The following CEP135 variants were observed in gnomAD, a reference collection of about 807,000 sequenced individuals.
The protein encoded by CEP135 is centrosomal protein 135.
CEP135 carries 142 observed loss-of-function variants against 157.3 expected under a neutral mutation model. The observed-to-expected ratio is 0.90, with a 90% CI of 0.79 to 1.04. The LOEUF (loss-of-function observed/expected upper bound fraction) is 1.04, where lower values mean the gene tolerates loss of function less well. Ranked by LOEUF, CEP135 falls within the 50% of genes least tolerant of loss-of-function variation. CEP135 has a pLI of 0.00. For missense variants in CEP135, 1,317 were observed against 1,309.2 expected, an observed-to-expected ratio of 1.01 and a Z score of -0.09; for synonymous variants, 396 against 439.8, an observed-to-expected ratio of 0.90 and a Z score of 1.25.
At chr4:56,011,663 T>C in intron 20 of CEP135, 137 bp from the exon 21 acceptor site, 1 of 970,666 alleles carries the variant, frequency 1.0e-6, no homozygotes. Context: ...CCATAGATTT[T>C]AGTGTGGTAC....
At chr4:55,969,470 T>C (rs1728953151) in intron 9 of CEP135, among the ~76,000 whole-genome samples, 1 of 151,996 alleles carries the variant, frequency 6.6e-6, no homozygotes, top group South Asian at 2.1e-4. Flanking sequence ...TTGTATGCTT[T>C]GTTTTATTGC....
At position 55,998,597 on chromosome 4, in the gene CEP135, G is replaced by A. The variant is rs548972244; in HGVS notation, c.2010-705G>A. 4.7e-4 allele frequency among the ~76,000 whole-genome samples: 71 copies of A among 152,320 alleles called. 1 individual carries two copies. Among genetic ancestry groups the A allele is most frequent in the African/African-American group, 1.6e-3 (67 of 41,578 alleles). Reference sequence around the variant, plus strand: ...TCACAGGTCAGGGCTGGGAATGGTGGCTCACACCTGTAATCCCAGCACTTT... The same window carrying A: ...TCACAGGTCAGGGCTGGGAATGGTGACTCACACCTGTAATCCCAGCACTTT... On this transcript the variant is annotated intron_variant, in intron 15 of 25. Transcript: ENST00000257287.
chr4:56,011,108 G>T (rs1730567292), intron 19 of CEP135, among the ~76,000 whole-genome samples: 1 of 152,026 alleles, frequency 6.6e-6, no homozygotes, highest in African/African-American at 2.4e-5. Flanking sequence ...GGTGACATGT[G>T]CCTGTGGTCT....
chr4:56,005,848 CT>C (rs1253999487), intron 17 of CEP135, among the ~76,000 whole-genome samples: 5 of 152,026 alleles, frequency 3.3e-5, no homozygotes, highest in Non-Finnish European at 7.4e-5. Flanking sequence ...TTGAAGGGCA[CT>C]TTTTTTGGAT....
chr4:56,026,505 G>GTGTGTC (rs1194619245), intron 25 of CEP135, among the ~76,000 whole-genome samples: 1 of 152,142 alleles, frequency 6.6e-6, no homozygotes, highest in Non-Finnish European at 1.5e-5. Context: ...ATTGTTGTGT[G>GTGTGTC]TACTTGTAGA....
intron 14 of CEP135, among the ~76,000 whole-genome samples, chr4:55,988,818 G>A (rs189484132): frequency 0.021 from 3,072 of 148,214 alleles, 50 homozygotes; most frequent in Non-Finnish European, 0.033. Context: ...AAAATTAGCC[G>A]GGCGTGGTGG....
chr4:56,025,359 A>AT (rs1731123162), intron 25 of CEP135, among the ~76,000 whole-genome samples: 1 of 152,220 alleles, frequency 6.6e-6, no homozygotes, highest in African/African-American at 2.4e-5. Flanking sequence ...ATCACAGGAT[A>AT]TTATTTGATG....
chr4:56,015,402 C>T (rs960436575), intron 21 of CEP135, among the ~76,000 whole-genome samples: 1 of 152,214 alleles, frequency 6.6e-6, no homozygotes, highest in East Asian at 1.9e-4. Context: ...GCTGTGGCTA[C>T]CACCACAAGC....
At chr4:55,962,759 G>C (rs1290322872) in intron 6 of CEP135, among the ~76,000 whole-genome samples, 1 of 112,984 alleles carries the variant, frequency 8.9e-6, no homozygotes, top group Non-Finnish European at 1.8e-5. Context: ...TTTTTCAACT[G>C]TCCACTCCCT....
intron 8 of CEP135, among the ~76,000 whole-genome samples, chr4:55,967,270 A>ATG (rs1728872990): frequency 2.6e-5 from 4 of 152,324 alleles, no homozygotes; most frequent in Non-Finnish European, 4.4e-5. Context: ...AATACACCAC[A>ATG]AATGTTGATA....
Position 56,011,761 on chromosome 4 carries a change from A to G in CEP135, c.2617-39A>G, listed in dbSNP as rs779716058. 2.1e-5 allele frequency: 31 copies of G among 1,503,672 alleles called. No individual in the cohort carries two copies. In the East Asian group the frequency reaches 2.8e-4, roughly 14 times the overall value. The allele number at this position is 1,503,672 out of a possible 1,614,324, so 93.1% of individuals were successfully genotyped here. A position where few individuals can be genotyped will look rare whatever the true frequency, so the allele number is the denominator to read the frequency against. On this transcript the variant is annotated intron_variant, in intron 20 of 25. Transcript: ENST00000257287. ...GACATAGGTGTTCCAGGAAGTGACA[A>G]TTACTAATTTAGAAACAATTTTATT...
intron 6 of CEP135, among the ~76,000 whole-genome samples, chr4:55,961,764 T>TAAAAAA (rs564116620): frequency 0.042 from 2,262 of 54,160 alleles, 167 homozygotes; most frequent in Admixed American, 0.062. Flanking sequence ...AAACTCTGTC[T>TAAAAAA]AAAAAAAAAA....
At chr4:55,980,327 T>C in intron 12 of CEP135, 32 bp downstream of exon 12, 7 of 1,391,872 alleles carry the variant, frequency 5.0e-6, no homozygotes. Flanking sequence ...AGCCAATAGA[T>C]TGTATAGAAC....
At chr4:55,998,025 A>T (rs1372568314) in intron 15 of CEP135, among the ~76,000 whole-genome samples, 1 of 152,196 alleles carries the variant, frequency 6.6e-6, no homozygotes, top group Non-Finnish European at 1.5e-5. Context: ...TTGCTGTTAG[A>T]ACAGTCAGGG....
intron 4 of CEP135, among the ~76,000 whole-genome samples, chr4:55,955,553 A>G (rs571970380): frequency 2.4e-4 from 36 of 152,280 alleles, no homozygotes; most frequent in South Asian, 1.2e-3. Context: ...AGATAGAGAA[A>G]AGTGGGAGTC....
chr4:56,008,340 C>T lies in CEP135; in HGVS notation c.2294C>T (p.Ala765Val). 6.2e-7 allele frequency: 1 copy of T among 1,608,816 alleles called. No individual in the cohort carries two copies. Among genetic ancestry groups the T allele is most frequent in the Non-Finnish European group, 8.5e-7 (1 of 1,177,654 alleles). Residue 765 changes from alanine (A) to valine (V), a missense_variant, in exon 18 of 26, where the codon GCT becomes GTT. Ala to Val is a moderately conservative substitution (Grantham distance 64). Coordinates refer to ENST00000257287, the MANE Select transcript of CEP135 (RefSeq NM_025009.5). ...ENLANKEKAV[A>V]QMKIMISECE... ...TAATTTCTATAGGAAAAAGCTGTTG[C>T]TCAAATGAAGATAATGATCTCAGAG...
intron 23 of CEP135, 133 bp downstream of exon 23, chr4:56,019,688 C>T (rs1730907812): frequency 1.5e-6 from 1 of 671,070 alleles, no homozygotes; most frequent in Non-Finnish European, 2.4e-6. Flanking sequence ...GTAATCCCAG[C>T]ACTTTGGGAG....
Position 55,985,269 on chromosome 4 carries a change from A to T in CEP135, c.1780-12A>T. The stretch of plus-strand genomic sequence containing the variant: ...GATACAAATGAACATTTTCTTTAAC[A>T]TTCTTTTTCAGCATATTGAAGAAGT... On this transcript the variant is annotated splice_polypyrimidine_tract_variant and intron_variant, in intron 13 of 25. Coordinates refer to ENST00000257287, the MANE Select transcript of CEP135 (RefSeq NM_025009.5). The T allele has an allele frequency of 6.8e-7, 1 of 1,477,116 alleles. No homozygotes were observed. The highest frequency in any genetic ancestry group is 9.4e-7 in the Non-Finnish European group (1 of 1,061,558). 91.5% of individuals were successfully genotyped at this position (1,477,116 alleles called of 1,614,324 possible).
At chr4:55,956,808 T>G (rs960650797) in intron 4 of CEP135, among the ~76,000 whole-genome samples, 2 of 152,208 alleles carry the variant, frequency 1.3e-5, no homozygotes, top group African/African-American at 4.8e-5. Flanking sequence ...AGACGGGGTT[T>G]CACCATGTTG....
Sources: allele counts gnomAD v4.1 joint callset (sites outside exome capture counted in the v4.1 genomes callset), GRCh38; gene constraint gnomAD v4.1.1; transcripts MANE v1.5; gene names NCBI Gene and HGNC (gene_info 2026-07-23, HGNC 2026-07-21).